Variants in KDM4C observed in about 807,000 individuals in gnomAD.
KDM4C encodes the protein lysine-specific demethylase 4C.
Under a neutral mutation model 129.3 loss-of-function variants are expected in KDM4C, and 81 were observed. The observed-to-expected ratio is 0.63, with a 90% CI of 0.52 to 0.75. The LOEUF (loss-of-function observed/expected upper bound fraction) is 0.75. KDM4C is among the 30% of genes least tolerant of loss of function. The pLI is 0.00. For missense variants in KDM4C, 1,457 were observed against 1,304.0 expected (o/e 1.12, Z -1.81); for synonymous variants, 573 against 456.1 (o/e 1.26, Z -3.26).
chr9:6,813,134 C>T (rs569545468), intron 3 of KDM4C, among the ~76,000 whole-genome samples: 43 of 152,146 alleles, frequency 2.8e-4, no homozygotes, highest in African/African-American at 8.4e-4. Flanking sequence ...GAGATCGTGC[C>T]GCTGTACTCC....
At chr9:6,803,450 GTCCCA>G in intron 2 of KDM4C, among the ~76,000 whole-genome samples, 1 of 151,848 alleles carries the variant, frequency 6.6e-6, no homozygotes, top group Admixed American at 6.6e-5. Context: ...CGCACCTGTA[GTCCCA>G]GCTACTTGGG....
chr9:6,765,793 C>A (rs185254681), intron 1 of KDM4C, among the ~76,000 whole-genome samples: 1 of 151,938 alleles, frequency 6.6e-6, no homozygotes, highest in Admixed American at 6.6e-5. Context: ...TTTTCTTTTT[C>A]TTTTTTTTGC....
At chr9:6,821,216 A>G (rs1316819344) in intron 4 of KDM4C, among the ~76,000 whole-genome samples, 2 of 152,190 alleles carry the variant, frequency 1.3e-5, no homozygotes, top group Non-Finnish European at 2.9e-5. Context: ...CATGATTTAT[A>G]ATCCTTTGGG....
chr9:6,989,741 C>T (rs531412350), intron 11 of KDM4C, among the ~76,000 whole-genome samples: 3 of 152,142 alleles, frequency 2.0e-5, no homozygotes, highest in East Asian at 1.9e-4. Flanking sequence ...CCAAGAGCCA[C>T]AGTCCTGTAT....
At chr9:6,760,899 G>A (rs1390989459) in intron 1 of KDM4C, among the ~76,000 whole-genome samples, 1 of 151,712 alleles carries the variant, frequency 6.6e-6, no homozygotes. Context: ...GCCTTGAAGG[G>A]GCCTGTTGAT....
intron 8 of KDM4C, among the ~76,000 whole-genome samples, chr9:6,940,876 A>G (rs2131392062): frequency 6.8e-6 from 1 of 147,564 alleles, no homozygotes; most frequent in Admixed American, 6.7e-5. Context: ...CATCTATAAG[A>G]AACTTAAATT....
At chr9:7,117,682 T>G (rs1355454595) in intron 18 of KDM4C, among the ~76,000 whole-genome samples, 1 of 149,752 alleles carries the variant, frequency 6.7e-6, no homozygotes, top group African/African-American at 2.5e-5. Flanking sequence ...TGTTAATGAT[T>G]GAGATTGTGG....
intron 4 of KDM4C, among the ~76,000 whole-genome samples, chr9:6,838,524 A>G (rs915118193): frequency 5.3e-5 from 8 of 151,994 alleles, no homozygotes; most frequent in African/African-American, 1.7e-4. Flanking sequence ...GCAGTCTTTT[A>G]TTTGACTGGA....
chr9:7,107,828 G>A (rs1342802177), intron 18 of KDM4C, among the ~76,000 whole-genome samples: 1 of 151,090 alleles, frequency 6.6e-6, no homozygotes, highest in African/African-American at 2.4e-5. Flanking sequence ...TTGTAGCTAG[G>A]TCATAAGGAC....
intron 5 of KDM4C, among the ~76,000 whole-genome samples, chr9:6,856,859 G>C (rs1053419144): frequency 5.4e-5 from 8 of 148,846 alleles, no homozygotes; most frequent in Non-Finnish European, 8.9e-5. Context: ...CCGGGTTCAC[G>C]CCATTCTCCT....
intron 3 of KDM4C, 51 bp downstream of exon 3, chr9:6,805,825 T>C (rs1280728185): frequency 6.6e-6 from 10 of 1,523,736 alleles, no homozygotes; most frequent in Admixed American, 1.9e-5. Flanking sequence ...TTTATGTAAA[T>C]ATGTTAAGAA....
chr9:6,869,405 C>T (rs1419401961), intron 5 of KDM4C, among the ~76,000 whole-genome samples: 1 of 152,222 alleles, frequency 6.6e-6, no homozygotes, highest in East Asian at 1.9e-4. Context: ...AGAGGACTGG[C>T]ATTTAAGTGA....
chr9:7,114,712 T>G (rs1838702491), intron 18 of KDM4C, among the ~76,000 whole-genome samples: 1 of 152,116 alleles, frequency 6.6e-6, no homozygotes, highest in Non-Finnish European at 1.5e-5. Context: ...AGTGCTCTGT[T>G]TTATGCTTGG....
chr9:7,103,097 G>A (rs1837287143), intron 17 of KDM4C, among the ~76,000 whole-genome samples: 1 of 152,100 alleles, frequency 6.6e-6, no homozygotes, highest in Non-Finnish European at 1.5e-5. Flanking sequence ...TCTCACTTTG[G>A]GAGGCATATT....
At chr9:7,112,460 G>C (rs1008677445) in intron 18 of KDM4C, among the ~76,000 whole-genome samples, 2 of 152,016 alleles carry the variant, frequency 1.3e-5, no homozygotes, top group African/African-American at 4.8e-5. Context: ...TGAGGAGAAG[G>C]GTCTTGATTA....
At chr9:7,099,490 G>A in intron 17 of KDM4C, among the ~76,000 whole-genome samples, 1 of 152,252 alleles carries the variant, frequency 6.6e-6, no homozygotes, top group African/African-American at 2.4e-5. Context: ...AATCACACCT[G>A]CCTGAGGATT....
intron 1 of KDM4C, among the ~76,000 whole-genome samples, chr9:6,742,292 G>A (rs754016036): frequency 6.6e-6 from 1 of 152,046 alleles, no homozygotes; most frequent in Non-Finnish European, 1.5e-5. Flanking sequence ...GGAATGCAGT[G>A]GGCAATACAT....
chr9:7,138,048 G>C (rs1214243616), intron 19 of KDM4C, among the ~76,000 whole-genome samples: 1 of 152,226 alleles, frequency 6.6e-6, no homozygotes, highest in African/African-American at 2.4e-5. Context: ...GAAAGAACCA[G>C]TAATAAATCT....
chr9:7,037,943 C>G (rs2031199), intron 15 of KDM4C, among the ~76,000 whole-genome samples: 104,989 of 151,876 alleles, frequency 0.69, 36,510 homozygotes, highest in Admixed American at 0.76. Flanking sequence ...CCTGGAAAAG[C>G]CATGCTCATT....
Sources: allele counts gnomAD v4.1 joint callset (sites outside exome capture counted in the v4.1 genomes callset), GRCh38; gene constraint gnomAD v4.1.1; transcripts MANE v1.5; gene names NCBI Gene and HGNC (gene_info 2026-07-23, HGNC 2026-07-21).